Variants in NTRK2 observed in about 807,000 individuals in gnomAD.
The protein encoded by NTRK2 is BDNF/NT-3 growth factors receptor.
In NTRK2, 13 loss-of-function variants were observed where a neutral mutation model predicts 94.5. The ratio of observed to expected loss-of-function variants is 0.14; its 90% CI spans 0.09 to 0.22. The LOEUF (loss-of-function observed/expected upper bound fraction) is 0.22, where lower values mean the gene tolerates loss of function less well. NTRK2 is among the 10% of genes least tolerant of loss of function. The pLI is 1.00. For missense variants in NTRK2, 639 were observed against 1,071.2 expected (o/e 0.60, Z 5.63); for synonymous variants, 372 against 407.4 (o/e 0.91, Z 1.05).
chr9:84,882,717 T>TGCGCGCGCGCGCGC (rs1010534010), intron 14 of NTRK2, among the ~76,000 whole-genome samples: 12 of 143,944 alleles, frequency 8.3e-5, no homozygotes, highest in African/African-American at 3.0e-4. Context: ...TGTGTGTGTG[T>TGCGCGCGCGCGCGC]GTGCGCGCGC....
At chr9:84,989,051 T>A (rs1053598431) in intron 17 of NTRK2, among the ~76,000 whole-genome samples, 2 of 152,164 alleles carry the variant, frequency 1.3e-5, no homozygotes, top group African/African-American at 4.8e-5. Context: ...ATATCCCGAA[T>A]CAGAGAACAC....
At chr9:84,927,931 G>A (rs886203779) in intron 14 of NTRK2, among the ~76,000 whole-genome samples, 18 of 152,190 alleles carry the variant, frequency 1.2e-4, no homozygotes, top group Non-Finnish European at 2.1e-4. Context: ...TCAATTAACT[G>A]AGGTGTCATC....
chr9:84,830,905 T>G (rs183656300), intron 12 of NTRK2, among the ~76,000 whole-genome samples: 113 of 152,322 alleles, frequency 7.4e-4, no homozygotes, highest in African/African-American at 2.4e-3. Context: ...TCCTAATGCT[T>G]TTCTGTGCCT....
At chr9:84,784,749 T>C (rs1473100035) in intron 12 of NTRK2, among the ~76,000 whole-genome samples, 1 of 152,200 alleles carries the variant, frequency 6.6e-6, no homozygotes, top group Non-Finnish European at 1.5e-5. Flanking sequence ...GGGCAGAAGA[T>C]GTTTAATAAA....
intron 12 of NTRK2, among the ~76,000 whole-genome samples, chr9:84,816,598 G>A (rs571394276): frequency 1.9e-4 from 29 of 151,958 alleles, no homozygotes; most frequent in African/African-American, 6.3e-4. Context: ...GGCCAATGTG[G>A]TGAAACCCTG....
chr9:84,901,363 C>T (rs1409295505), intron 14 of NTRK2, among the ~76,000 whole-genome samples: 1 of 152,010 alleles, frequency 6.6e-6, no homozygotes, highest in African/African-American at 2.4e-5. Flanking sequence ...GCTGGGACTA[C>T]AGGCACGTGC....
At chr9:84,735,499 C>T (rs1481761307) in intron 9 of NTRK2, among the ~76,000 whole-genome samples, 5 of 152,170 alleles carry the variant, frequency 3.3e-5, no homozygotes, top group African/African-American at 9.7e-5. Context: ...AGGCATCCAT[C>T]AAGATGACCT....
chr9:84,909,448 C>T lies in NTRK2; in HGVS notation c.1634-24714C>T, dbSNP rs1261720200. Among the ~76,000 whole-genome samples the T allele has an allele frequency of 2.6e-5, 4 of 151,754 alleles. No individual in the cohort carries two copies. In the East Asian group the frequency reaches 7.7e-4, roughly 29 times the overall value. On this transcript the variant is annotated intron_variant, in intron 14 of 18. Transcript: ENST00000277120. Reference sequence around the variant, plus strand: ...GGATAAGTGCCCAGGAGTGCAATTACTCGGTGGTAGGGTAGTTGCATCTTT... The same window carrying T: ...GGATAAGTGCCCAGGAGTGCAATTATTCGGTGGTAGGGTAGTTGCATCTTT...
chr9:84,970,766 G>A (rs935232847), intron 17 of NTRK2, among the ~76,000 whole-genome samples: 1 of 152,204 alleles, frequency 6.6e-6, no homozygotes, highest in Admixed American at 6.5e-5. Flanking sequence ...CTTACTTCTG[G>A]ATGATCATTT....
intron 12 of NTRK2, chr9:84,811,090 C>A (rs2071731435): frequency 6.5e-6 from 7 of 1,069,470 alleles, no homozygotes; most frequent in Non-Finnish European, 7.9e-6. Context: ...GCACTGAATT[C>A]AGAGGGTTTG....
At chr9:84,751,059 A>C (rs1176181940) in intron 11 of NTRK2, among the ~76,000 whole-genome samples, 1 of 152,218 alleles carries the variant, frequency 6.6e-6, no homozygotes, top group Non-Finnish European at 1.5e-5. Context: ...ATATGGGAAA[A>C]TGCACATATC....
At chr9:84,672,011 C>T (rs2058729969) in intron 2 of NTRK2, among the ~76,000 whole-genome samples, 1 of 152,130 alleles carries the variant, frequency 6.6e-6, no homozygotes, top group Admixed American at 6.6e-5. Context: ...AAAGTTTCTC[C>T]CAGTTTTCCT....
chr9:84,809,823 A>G (rs2071550175), intron 12 of NTRK2, among the ~76,000 whole-genome samples: 1 of 145,346 alleles, frequency 6.9e-6, no homozygotes, highest in South Asian at 2.3e-4. Flanking sequence ...CAGAGGTTGC[A>G]GTGAGCCGAG....
intron 10 of NTRK2, among the ~76,000 whole-genome samples, chr9:84,742,594 G>C (rs1033850620): frequency 2.4e-4 from 36 of 152,048 alleles, no homozygotes; most frequent in Admixed American, 6.6e-5. Context: ...TTGTATCCAA[G>C]TCAAGACCCA....
At chr9:84,865,058 T>G (rs1036462692) in intron 13 of NTRK2, among the ~76,000 whole-genome samples, 1 of 152,098 alleles carries the variant, frequency 6.6e-6, no homozygotes, top group African/African-American at 2.4e-5. Flanking sequence ...TCATTTTTAA[T>G]TGATGGCCAG....
intron 14 of NTRK2, among the ~76,000 whole-genome samples, chr9:84,924,275 G>GA (rs2077677840): frequency 6.6e-6 from 1 of 151,056 alleles, no homozygotes; most frequent in South Asian, 2.1e-4. Flanking sequence ...AAGAAAGAAA[G>GA]AAAGAAAGAA....
intron 5 of NTRK2, among the ~76,000 whole-genome samples, chr9:84,710,187 GC>G (rs1165350300): frequency 6.6e-6 from 1 of 152,142 alleles, no homozygotes; most frequent in Non-Finnish European, 1.5e-5. Flanking sequence ...AAATTGTTCT[GC>G]CCCCTGCTGA....
intron 12 of NTRK2, among the ~76,000 whole-genome samples, chr9:84,823,604 A>G (rs1277507847): frequency 6.6e-6 from 1 of 152,220 alleles, no homozygotes; most frequent in Non-Finnish European, 1.5e-5. Context: ...GGTGGAGGAG[A>G]ATGCCCCATG....
chr9:84,711,093 C>T (rs923387679), intron 6 of NTRK2, among the ~76,000 whole-genome samples: 2 of 152,192 alleles, frequency 1.3e-5, no homozygotes, highest in African/African-American at 4.8e-5. Flanking sequence ...ATTTATCCAC[C>T]CATCCATCTG....
Sources: gnomAD v4.1 joint callset for allele counts (sites outside exome capture counted in the v4.1 genomes callset) on GRCh38, gnomAD v4.1.1 for gene constraint, MANE v1.5 for transcripts, NCBI Gene and HGNC (gene_info 2026-07-23, HGNC 2026-07-21) for gene names.